Variants in FOXJ3 observed in about 807,000 individuals in gnomAD.
FOXJ3 encodes the protein forkhead box protein J3.
A neutral mutation model predicts 76.1 loss-of-function variants in FOXJ3; 22 were observed. The ratio of observed to expected loss-of-function variants is 0.29; its 90% CI spans 0.21 to 0.41. The LOEUF (loss-of-function observed/expected upper bound fraction) is 0.41, where lower values mean the gene tolerates loss of function less well. FOXJ3 is among the 10% of genes least tolerant of loss of function. The pLI is 1.00. For synonymous variants in FOXJ3, 269 were observed against 261.2 expected (o/e 1.03, Z -0.29); for missense variants, 613 against 762.1 (o/e 0.80, Z 2.30).
chr1:42,195,088 T>C, intron 7 of FOXJ3, 24 bp from the exon 8 acceptor site: 1 of 1,557,188 alleles, frequency 6.4e-7, no homozygotes, highest in Non-Finnish European at 8.7e-7. Flanking sequence ...AAAACACAAC[T>C]AATTCAGCCT....
chr1:42,177,520 T>TA lies in FOXJ3; in HGVS notation c.*2189dup, dbSNP rs1646236938. The TA allele has an allele frequency of 6.6e-6, 1 of 152,528 alleles. No individual in the cohort carries two copies. The highest frequency in any genetic ancestry group is 1.9e-4 in the East Asian group (1 of 5,190). The allele number at this position is 152,528 out of a possible 1,614,324, so 9.4% of individuals were successfully genotyped here. ...AATCACCCCTCTTTTTTCAAGCATT[T>TA]ACTCTGCAGGCTGCCATCTCATCTT... On this transcript the variant is annotated 3_prime_UTR_variant, in exon 13 of 13. Transcript: ENST00000361346.
chr1:42,312,967 T>C (rs1020094971), intron 1 of FOXJ3, among the ~76,000 whole-genome samples: 1 of 152,210 alleles, frequency 6.6e-6, no homozygotes, highest in Non-Finnish European at 1.5e-5. Context: ...TCAGGGACTG[T>C]GACAGCAGTG....
chr1:42,332,017 C>CT (rs1326370907), intron 1 of FOXJ3, among the ~76,000 whole-genome samples: 8 of 152,120 alleles, frequency 5.3e-5, no homozygotes, highest in African/African-American at 1.9e-4. Flanking sequence ...AATTTTCTCT[C>CT]TAAGTTTACA....
At chr1:42,309,552 T>G (rs1654680558) in intron 2 of FOXJ3, among the ~76,000 whole-genome samples, 1 of 152,242 alleles carries the variant, frequency 6.6e-6, no homozygotes, top group African/African-American at 2.4e-5. Context: ...TTATACTATT[T>G]TGTTTATTAA....
intron 1 of FOXJ3, among the ~76,000 whole-genome samples, chr1:42,326,209 C>A (rs1557728155): frequency 6.6e-6 from 1 of 152,146 alleles, no homozygotes; most frequent in African/African-American, 2.4e-5. Flanking sequence ...AGAGATCACG[C>A]CACTGCACCC....
chr1:42,328,991 A>G (rs1224248805), intron 1 of FOXJ3, among the ~76,000 whole-genome samples: 1 of 152,080 alleles, frequency 6.6e-6, no homozygotes, highest in African/African-American at 2.4e-5. Flanking sequence ...TTATCTTGTT[A>G]TAGCACTAAA....
At chr1:42,183,161 AGCTACTC>A (rs1569755745) in intron 11 of FOXJ3, among the ~76,000 whole-genome samples, 1 of 150,658 alleles carries the variant, frequency 6.6e-6, no homozygotes, top group East Asian at 2.0e-4. Context: ...CTGTAGTCCC[AGCTACTC>A]AGACTTGAAC....
chr1:42,300,432 C>CT (rs1304361636), intron 2 of FOXJ3, among the ~76,000 whole-genome samples: 2 of 151,922 alleles, frequency 1.3e-5, no homozygotes, highest in Non-Finnish European at 2.9e-5. Flanking sequence ...CTGGGAAAGA[C>CT]TTTATTTCTC....
At chr1:42,245,784 T>A (rs1333798541) in intron 4 of FOXJ3, among the ~76,000 whole-genome samples, 1 of 152,098 alleles carries the variant, frequency 6.6e-6, no homozygotes, top group Non-Finnish European at 1.5e-5. Flanking sequence ...TCACTACTAC[T>A]ATTCAATATA....
intron 1 of FOXJ3, among the ~76,000 whole-genome samples, chr1:42,312,389 C>G (rs1654868043): frequency 6.6e-6 from 1 of 152,032 alleles, no homozygotes; most frequent in African/African-American, 2.4e-5. Flanking sequence ...CTATGTAGGC[C>G]AAACAGAAAC....
At chr1:42,293,045 GA>G in intron 2 of FOXJ3, among the ~76,000 whole-genome samples, 1 of 152,198 alleles carries the variant, frequency 6.6e-6, no homozygotes, top group Middle Eastern at 3.4e-3. Context: ...AGGCTGCAGT[GA>G]ACCAAGATCA....
chr1:42,323,718 T>C, intron 1 of FOXJ3: 1 of 979,422 alleles, frequency 1.0e-6, no homozygotes, highest in Non-Finnish European at 1.2e-6. Flanking sequence ...GACAGTGTCT[T>C]GCATGCACAG....
intron 5 of FOXJ3, 128 bp from the exon 6 acceptor site, chr1:42,205,991 T>C: frequency 1.6e-6 from 1 of 607,020 alleles, no homozygotes; most frequent in Middle Eastern, 4.4e-4. Flanking sequence ...TGAATTTAAA[T>C]CACTAGTGAA....
At chr1:42,305,740 T>G (rs1469343143) in intron 2 of FOXJ3, among the ~76,000 whole-genome samples, 1 of 151,394 alleles carries the variant, frequency 6.6e-6, no homozygotes, top group East Asian at 1.9e-4. Flanking sequence ...TCAGGGAGAG[T>G]GAGAATGGTT....
intron 1 of FOXJ3, among the ~76,000 whole-genome samples, chr1:42,324,125 A>AGTGTATATATAGTGTATATACACT: frequency 1.9e-5 from 1 of 52,946 alleles, no homozygotes; most frequent in African/African-American, 9.1e-5. Flanking sequence ...GTATATACAC[A>AGTGTATATATAGTGTATATACACT]GTGTATATAC....
In FOXJ3 at chr1:42,274,001, T is replaced by C. The variant is rs1652065566; in HGVS notation, c.369+4347A>G. ...TTTTGCTTTCCCCATTTACGTCACC[T>C]ACCTGGCATCTGCAGGCACTTAGGT... On this transcript the variant is annotated intron_variant, in intron 3 of 12. Transcript: ENST00000361346. 2.6e-5 allele frequency among the ~76,000 whole-genome samples: 4 copies of C among 152,298 alleles called. No homozygotes were observed. The South Asian group carries it at 8.3e-4, about 32-fold the overall frequency.
At chr1:42,323,526 A>T (rs553364701) in intron 1 of FOXJ3, among the ~76,000 whole-genome samples, 1 of 152,218 alleles carries the variant, frequency 6.6e-6, no homozygotes, top group South Asian at 2.1e-4. Flanking sequence ...CTATGCTCTC[A>T]GCCTAGAATG....
intron 5 of FOXJ3, among the ~76,000 whole-genome samples, chr1:42,212,704 G>C (rs985450517): frequency 2.0e-5 from 3 of 151,962 alleles, no homozygotes; most frequent in Non-Finnish European, 4.4e-5. Context: ...AGAAATACAA[G>C]AAGCTCAAAG....
intron 2 of FOXJ3, among the ~76,000 whole-genome samples, chr1:42,298,553 T>C (rs1352482763): frequency 6.6e-6 from 1 of 152,170 alleles, no homozygotes; most frequent in Non-Finnish European, 1.5e-5. Context: ...TAAAACTTTT[T>C]TTTTTCTTGG....
Sources: allele counts gnomAD v4.1 joint callset (sites outside exome capture counted in the v4.1 genomes callset), GRCh38; gene constraint gnomAD v4.1.1; transcripts MANE v1.5; gene names NCBI Gene and HGNC (gene_info 2026-07-23, HGNC 2026-07-21).